SNIP1: variants seen among roughly 807,000 people sequenced by gnomAD.
The protein encoded by SNIP1 is smad nuclear-interacting protein 1.
Under a neutral mutation model 37.4 loss-of-function variants are expected in SNIP1, and 23 were observed. The ratio of observed to expected loss-of-function variants is 0.61; its 90% confidence interval spans 0.44 to 0.87. The LOEUF is 0.87. SNIP1 is among the 40% of genes least tolerant of loss of function. SNIP1 has a pLI of 0.00. For synonymous variants in SNIP1, 174 were observed against 200.0 expected (o/e 0.87, Z 1.10); for missense variants, 459 against 540.4 (o/e 0.85, Z 1.49).
At chr1:37,553,160 C>G (rs968442446) in intron 1 of SNIP1, among the ~76,000 whole-genome samples, 7 of 152,282 alleles carry the variant, frequency 4.6e-5, no homozygotes, top group Admixed American at 1.3e-4. Context: ...TACCACCCAC[C>G]TTCTTGACCA....
At position 37,540,085 on chromosome 1, in the gene SNIP1, C is replaced by G; in HGVS notation, c.926+72G>C. 1.4e-6 allele frequency: 2 copies of G among 1,384,824 alleles called. No homozygotes were observed. Among genetic ancestry groups the G allele is most frequent in the Non-Finnish European group, 2.0e-6 (2 of 1,015,002 alleles). The allele number at this position is 1,384,824 out of a possible 1,614,324, so 85.8% of individuals were successfully genotyped here. ...TGGGATTCTTCTGCATAAACATGAA[C>G]AAAAATCTTAGTAATCCTAACTGAG... On this transcript the variant is annotated intron_variant, in intron 3 of 3. Coordinates refer to ENST00000296215, the MANE Select transcript of SNIP1 (RefSeq NM_024700.4). This position sits in a 1 kb window ranked among gnomAD's most constrained non-coding sequence, Gnocchi z 5.6.
Position 37,540,430 on chromosome 1 carries a change from A to G in SNIP1, c.653T>C (p.Val218Ala). 1 of 1,613,836 alleles carries G rather than the reference A, an allele frequency of 6.2e-7. No individual in the cohort carries two copies. The highest frequency in any genetic ancestry group is 8.5e-7 in the Non-Finnish European group (1 of 1,179,958). ...RPGGNNKEKE[V>A]PAKEKPSFEL... The stretch of plus-strand genomic sequence containing the variant: ...AAAGCTTGGTTTTTCTTTAGCGGGC[A>G]CCTCTTTTTCTTTGTTGTTGCCACC... Residue 218 changes from valine (V) to alanine (A), a missense_variant, in exon 3 of 4, where the codon GTG becomes GCG. Physicochemically the swap from Val to Ala is moderately conservative, Grantham distance 64 (BLOSUM62 0). Coordinates refer to ENST00000296215, the MANE Select transcript of SNIP1 (RefSeq NM_024700.4). This position sits in a 1 kb window ranked among gnomAD's most constrained non-coding sequence, Gnocchi z 5.6.
intron 2 of SNIP1, chr1:37,545,050 G>A (rs61776185): frequency 0.23 from 176,353 of 753,306 alleles, 21,707 homozygotes; most frequent in Middle Eastern, 0.31. Flanking sequence ...GGCTGAATGC[G>A]ATGGAGCATG....
At chr1:37,545,256 TTC>T (rs1643219436) in intron 2 of SNIP1, 16 of 645,762 alleles carry the variant, frequency 2.5e-5, no homozygotes, top group Non-Finnish European at 4.6e-5. Context: ...GGCAGAATAT[TTC>T]TCTGACAAGC....
intron 2 of SNIP1, among the ~76,000 whole-genome samples, chr1:37,546,392 G>C (rs61776186): frequency 0.21 from 31,362 of 152,100 alleles, 3,710 homozygotes; most frequent in East Asian, 0.33. Context: ...AAGCCATAAC[G>C]GCCGGGTGTG....
At chr1:37,551,074 G>GACACACACAC (rs55724495) in intron 2 of SNIP1, among the ~76,000 whole-genome samples, 24,979 of 143,616 alleles carry the variant, frequency 0.17, 2,495 homozygotes, top group East Asian at 0.32. Flanking sequence ...CAGCCTGGGT[G>GACACACACAC]ACACACACAC....
chr1:37,538,034 C>A, intron 3 of SNIP1, 22 bp from the exon 4 acceptor site: 2 of 1,564,598 alleles, frequency 1.3e-6, no homozygotes, highest in Non-Finnish European at 1.7e-6. Context: ...AAAGGAGAAA[C>A]CTGTGAGCAA....
intron 3 of SNIP1, among the ~76,000 whole-genome samples, chr1:37,539,232 G>A (rs770142718): frequency 1.3e-4 from 20 of 151,964 alleles, no homozygotes; most frequent in Non-Finnish European, 1.8e-4. Context: ...GAATTCCCCC[G>A]GTTCCATGGA....
chr1:37,540,057 G>A lies in SNIP1; in HGVS notation c.926+100C>T, dbSNP rs1643154207. The A allele has an allele frequency of 2.1e-6, 2 of 944,328 alleles. No individual in the cohort carries two copies. The highest frequency in any genetic ancestry group is 2.4e-5 in the East Asian group (1 of 41,382). The allele number at this position is 944,328 out of a possible 1,614,324, so 58.5% of individuals were successfully genotyped here. On this transcript the variant is annotated intron_variant, in intron 3 of 3. Coordinates refer to ENST00000296215, the MANE Select transcript of SNIP1 (RefSeq NM_024700.4). The surrounding 1 kb of genome is among the most constrained non-coding windows in gnomAD (Gnocchi z 5.6). ...ATACTCTTTAGATAACATATGAGGG[G>A]TATGGGATTCTTCTGCATAAACATG...
At chr1:37,551,378 C>T (rs898247310) in intron 2 of SNIP1, among the ~76,000 whole-genome samples, 7 of 151,830 alleles carry the variant, frequency 4.6e-5, no homozygotes, top group African/African-American at 1.7e-4. Flanking sequence ...GATAAAGATA[C>T]AGGGAAACCG....
At position 37,537,553 on chromosome 1, in the gene SNIP1, GAA is replaced by G. The variant is rs1643113298; in HGVS notation, c.*193_*194del. On this transcript the variant is annotated 3_prime_UTR_variant, in exon 4 of 4. Coordinates refer to ENST00000296215, the MANE Select transcript of SNIP1 (RefSeq NM_024700.4). The stretch of plus-strand genomic sequence containing the variant: ...GCAGGCATGTGGCCAAGGTGCCACA[GAA>G]AAAGTTTAACAAACATTAGTCAGTG... 1 of 588,864 alleles carries G rather than the reference GAA, an allele frequency of 1.7e-6. No homozygotes were observed. The highest frequency in any genetic ancestry group is 2.9e-6 in the Non-Finnish European group (1 of 347,228). 36.5% of individuals were successfully genotyped at this position (588,864 alleles called of 1,614,324 possible). A position where few individuals can be genotyped will look rare whatever the true frequency, so the allele number is the denominator to read the frequency against.
Position 37,535,708 on chromosome 1 carries a change from A to C in SNIP1, c.*2040T>G, listed in dbSNP as rs1643083253. 6.6e-6 allele frequency: 1 copy of C among 152,210 alleles called. No individual in the cohort carries two copies. Among genetic ancestry groups the C allele is most frequent in the Non-Finnish European group, 1.5e-5 (1 of 68,048 alleles). 9.4% of individuals were successfully genotyped at this position (152,210 alleles called of 1,614,324 possible). A position where few individuals can be genotyped will look rare whatever the true frequency, so the allele number is the denominator to read the frequency against. On this transcript the variant is annotated 3_prime_UTR_variant, in exon 4 of 4. Coordinates refer to ENST00000296215, the MANE Select transcript of SNIP1 (RefSeq NM_024700.4). ...GATCAAGAGAAAAGTTCATCCAAAC[A>C]AACCTACTTTTCAGACAAGCACATA...
chr1:37,540,447 G>C lies in SNIP1; in HGVS notation c.636C>G (p.Asn212Lys). The C allele has an allele frequency of 6.2e-7, 1 of 1,613,942 alleles. No individual in the cohort carries two copies. Among genetic ancestry groups the C allele is most frequent in the Non-Finnish European group, 8.5e-7 (1 of 1,179,960 alleles). Residue 212 changes from asparagine (N) to lysine (K), a missense_variant, in exon 3 of 4, where the codon AAC (asparagine) becomes AAG (lysine). Physicochemically the swap from Asn to Lys is moderately conservative, Grantham distance 94. Transcript: ENST00000296215. The surrounding 1 kb of genome is among the most constrained non-coding windows in gnomAD (Gnocchi z 5.6). ...TAGCGGGCACCTCTTTTTCTTTGTT[G>C]TTGCCACCAGGCCGAGGAACCAACT... is the stretch of plus-strand genomic sequence containing the variant. The part of the protein sequence containing the change: ...SQELVPRPGG[N>K]NKEKEVPAKE...
chr1:37,549,249 A>T (rs895082715), intron 2 of SNIP1, among the ~76,000 whole-genome samples: 3 of 152,198 alleles, frequency 2.0e-5, no homozygotes, highest in African/African-American at 7.2e-5. Context: ...AGAAATATGT[A>T]TAGGATTTAT....
At chr1:37,549,569 C>T (rs183957908) in intron 2 of SNIP1, among the ~76,000 whole-genome samples, 5 of 152,210 alleles carry the variant, frequency 3.3e-5, no homozygotes, top group African/African-American at 7.2e-5. Context: ...CATGCCACCA[C>T]GCCCAACTAA....
intron 2 of SNIP1, among the ~76,000 whole-genome samples, chr1:37,552,164 A>G (rs1220968345): frequency 2.6e-5 from 4 of 152,230 alleles, no homozygotes; most frequent in Non-Finnish European, 4.4e-5. Flanking sequence ...AACATTCTTG[A>G]AATGACAAAA....
rs1376901702 is a variant in SNIP1, at chr1:37,540,137, T to C, written c.926+20A>G. ...GATTGTTTCTGCTCACATTACAGTT[T>C]CTTCCTCCATGTTACTTACCGATAT... On this transcript the variant is annotated intron_variant, in intron 3 of 3. Coordinates refer to ENST00000296215, the MANE Select transcript of SNIP1 (RefSeq NM_024700.4). The surrounding 1 kb of genome is among the most constrained non-coding windows in gnomAD (Gnocchi z 5.6). 1 of 1,548,180 alleles carries C rather than the reference T, an allele frequency of 6.5e-7. No individual in the cohort carries two copies.
intron 2 of SNIP1, chr1:37,541,739 C>T (rs1570020307): frequency 6.6e-6 from 1 of 151,284 alleles, no homozygotes; most frequent in East Asian, 1.9e-4. Context: ...CAGGGGGATA[C>T]ATTTTAAGTA....
Position 37,535,812 on chromosome 1 carries a change from C to G in SNIP1, c.*1936G>C, listed in dbSNP as rs569525608. On this transcript the variant is annotated 3_prime_UTR_variant, in exon 4 of 4. Coordinates refer to ENST00000296215, the MANE Select transcript of SNIP1 (RefSeq NM_024700.4). Reference sequence around the variant, plus strand: ...ATGTAGAACACATTCTTCAACTTACCTTTTTTTTTTTTTTCTGAGACAGAG... The same window carrying G: ...ATGTAGAACACATTCTTCAACTTACGTTTTTTTTTTTTTTCTGAGACAGAG... 5.5e-5 allele frequency: 8 copies of G among 145,206 alleles called. No individual in the cohort carries two copies. The highest frequency in any genetic ancestry group is 2.1e-4 in the Admixed American group (3 of 14,526). The allele number at this position is 145,206 out of a possible 1,614,324, so 9.0% of individuals were successfully genotyped here. A position where few individuals can be genotyped will look rare whatever the true frequency, so the allele number is the denominator to read the frequency against.
Sources: gnomAD v4.1 joint callset for allele counts (sites outside exome capture counted in the v4.1 genomes callset) on GRCh38, gnomAD v4.1.1 for gene constraint, Gnocchi (gnomAD v3.1) non-coding constraint, MANE v1.5 for transcripts, NCBI Gene and HGNC (gene_info 2026-07-23, HGNC 2026-07-21) for gene names.